JAK1: variants seen among roughly 807,000 people sequenced by gnomAD.
The protein encoded by JAK1 is Janus kinase 1.
In JAK1, 16 loss-of-function variants were observed where a neutral mutation model predicts 136.6. The ratio of observed to expected loss-of-function variants is 0.12; its 90% CI spans 0.08 to 0.18. JAK1 has a LOEUF of 0.18. Ranked by LOEUF, JAK1 falls within the 10% of genes least tolerant of loss-of-function variation. JAK1 has a pLI of 1.00. For synonymous variants in JAK1, 492 were observed against 519.5 expected, an observed-to-expected ratio of 0.95 and a Z score of 0.72; for missense variants, 859 against 1,450.1, an observed-to-expected ratio of 0.59 and a Z score of 6.62.
At chr1:64,950,969 T>G (rs1245977283) in intron 1 of JAK1, among the ~76,000 whole-genome samples, 6 of 152,198 alleles carry the variant, frequency 3.9e-5, no homozygotes. Context: ...GTGACTTCAA[T>G]TTCTTACACC....
intron 1 of JAK1, among the ~76,000 whole-genome samples, chr1:64,953,212 T>C (rs1040525726): frequency 6.6e-6 from 1 of 152,216 alleles, no homozygotes; most frequent in African/African-American, 2.4e-5. Flanking sequence ...GGGGTAGCAG[T>C]GGGTAACTTT....
chr1:64,999,890 A>G (rs1320076947), intron 2 of JAK1, among the ~76,000 whole-genome samples: 1 of 151,930 alleles, frequency 6.6e-6, no homozygotes, highest in Non-Finnish European at 1.5e-5. Flanking sequence ...CCATCTCTAT[A>G]TTCTGGCATG....
intron 1 of JAK1, among the ~76,000 whole-genome samples, chr1:64,952,910 T>C (rs867261777): frequency 3.3e-5 from 5 of 152,332 alleles, no homozygotes; most frequent in Middle Eastern, 6.8e-3. Context: ...CCTATTATCC[T>C]TTTACAGATG....
At chr1:65,057,134 C>A (rs958026366) in intron 1 of JAK1, among the ~76,000 whole-genome samples, 2 of 152,036 alleles carry the variant, frequency 1.3e-5, no homozygotes. Flanking sequence ...GTAATATACC[C>A]GATTAGGCTC....
At position 64,833,885 on chromosome 1, in the gene JAK1, A is replaced by G. The variant is rs540835241; in HGVS notation, c.*677T>C. 1.0e-4 allele frequency: 24 copies of G among 232,598 alleles called. No homozygotes were observed. In the South Asian group the frequency reaches 3.8e-3, roughly 37 times the overall value. The allele number at this position is 232,598 out of a possible 1,614,324, so 14.4% of individuals were successfully genotyped here. On this transcript the variant is annotated 3_prime_UTR_variant, in exon 25 of 25. Coordinates refer to ENST00000342505, the MANE Select transcript of JAK1 (RefSeq NM_002227.4). The stretch of plus-strand genomic sequence containing the variant: ...GTTCTTGAGAATTAACATGCAGCAA[A>G]TTATCTATTCCACAGCTATCCCCCC...
chr1:65,008,743 A>T (rs745902441), intron 2 of JAK1, among the ~76,000 whole-genome samples: 7 of 151,382 alleles, frequency 4.6e-5, no homozygotes, highest in Non-Finnish European at 7.4e-5. Context: ...GCTGGAGTGC[A>T]GTGGCATGAT....
chr1:65,010,729 C>A (rs985194416), intron 2 of JAK1, among the ~76,000 whole-genome samples: 1 of 152,108 alleles, frequency 6.6e-6, no homozygotes, highest in East Asian at 1.9e-4. Flanking sequence ...ACCTGTAATC[C>A]GAACATTCTG....
intron 2 of JAK1, among the ~76,000 whole-genome samples, chr1:65,018,449 A>G (rs2100785775): frequency 1.3e-5 from 2 of 151,548 alleles, no homozygotes; most frequent in East Asian, 3.9e-4. Context: ...CTAATGAGAG[A>G]CACACATACA....
At chr1:65,049,616 T>C (rs888732562) in intron 1 of JAK1, among the ~76,000 whole-genome samples, 1 of 152,070 alleles carries the variant, frequency 6.6e-6, no homozygotes, top group Non-Finnish European at 1.5e-5. Flanking sequence ...TTGGGGCACA[T>C]GTTTGTTGAG....
Position 64,913,707 on chromosome 1 carries a change from G to A in JAK1, c.-77-27366C>T, listed in dbSNP as rs1395356614. 7.3e-3 allele frequency among the ~76,000 whole-genome samples: 548 copies of A among 74,864 alleles called. 16 individuals carry two copies. The highest frequency in any genetic ancestry group is 0.025 in the African/African-American group (428 of 16,954). 49.1% of individuals were successfully genotyped at this position (74,864 alleles called of 152,430 possible). Reference sequence around the variant, plus strand: ...AGGAAGGAAGGAAGGAAGGAAAGAAGGGAGGGAGGGAGGGAGGGAGGGAGG... The same window carrying A: ...AGGAAGGAAGGAAGGAAGGAAAGAAAGGAGGGAGGGAGGGAGGGAGGGAGG... On this transcript the variant is annotated intron_variant, in intron 1 of 24. Transcript: ENST00000342505.
At chr1:65,046,811 A>C (rs1342296972) in intron 1 of JAK1, among the ~76,000 whole-genome samples, 2 of 151,028 alleles carry the variant, frequency 1.3e-5, no homozygotes, top group Admixed American at 1.3e-4. Context: ...CAGTCTCCCA[A>C]AGTGCTGGGA....
chr1:64,977,138 C>CT (rs1553177805), intron 2 of JAK1, among the ~76,000 whole-genome samples: 2 of 148,274 alleles, frequency 1.3e-5, no homozygotes, highest in Non-Finnish European at 3.0e-5. Flanking sequence ...ACAGCTTCAT[C>CT]TTGTTTGTTT....
intron 1 of JAK1, among the ~76,000 whole-genome samples, chr1:65,055,933 A>G (rs1162124597): frequency 2.0e-5 from 3 of 152,194 alleles, no homozygotes; most frequent in East Asian, 1.9e-4. Context: ...ATAAAACCCA[A>G]TGAATTTTTA....
In JAK1 at chr1:64,836,111, G is replaced by C. The variant is rs750143761; in HGVS notation, c.3245C>G (p.Ser1082Cys). ...HELLTYCDSD[S>C]SPMALFLKMI... ...AGTAGGACTTACAGCCATGGGACTA[G>C]AATCTGAATCACAGTAAGTCAGCAG... Residue 1082 changes from serine (S) to cysteine (C), a missense_variant, in exon 23 of 25, where the codon TCT (serine) becomes TGT (cysteine). Transcript: ENST00000342505. 1.3e-6 allele frequency: 2 copies of C among 1,591,970 alleles called. No homozygotes were observed. The highest frequency in any genetic ancestry group is 1.7e-6 in the Non-Finnish European group (2 of 1,159,790).
chr1:64,880,845 G>T (rs1466342595), intron 3 of JAK1, among the ~76,000 whole-genome samples: 1 of 152,108 alleles, frequency 6.6e-6, no homozygotes, highest in Admixed American at 6.6e-5. Context: ...TATTCGGGAG[G>T]CTAAGGCAGG....
Position 64,834,470 on chromosome 1 carries a change from TC to T in JAK1, c.*91del. 1 of 847,390 alleles carries T rather than the reference TC, an allele frequency of 1.2e-6. No individual in the cohort carries two copies. 52.5% of individuals were successfully genotyped at this position (847,390 alleles called of 1,614,324 possible). ...TGACTTTTTGGACAGAACACAAACT[TC>T]TTTCATTAGAAATTTTTAAAAAATG... On this transcript the variant is annotated 3_prime_UTR_variant, in exon 25 of 25. Coordinates refer to ENST00000342505, the MANE Select transcript of JAK1 (RefSeq NM_002227.4).
In JAK1 at chr1:64,860,820, A is replaced by C. The variant is rs1016299130; in HGVS notation, c.1177-558T>G. On this transcript the variant is annotated intron_variant, in intron 8 of 24. Coordinates refer to ENST00000342505, the MANE Select transcript of JAK1 (RefSeq NM_002227.4). ...CCCATCTATTATCTCAAACTATCAG[A>C]TGACTCTGTGTGTGTGTGTGTGTGT... Among the ~76,000 whole-genome samples, 16 of 130,482 alleles carry C rather than the reference A, an allele frequency of 1.2e-4. 1 individual carries two copies. Among genetic ancestry groups the C allele is most frequent in the African/African-American group, 4.9e-4 (16 of 32,656 alleles). 85.6% of individuals were successfully genotyped at this position (130,482 alleles called of 152,430 possible). A position where few individuals can be genotyped will look rare whatever the true frequency, so the allele number is the denominator to read the frequency against.
chr1:65,062,894 A>G (rs886334292), intron 1 of JAK1, among the ~76,000 whole-genome samples: 2 of 152,228 alleles, frequency 1.3e-5, no homozygotes, highest in African/African-American at 2.4e-5. Context: ...GTTATCAACA[A>G]GAGTATGTTT....
chr1:64,838,936 G>C (rs912202071), intron 20 of JAK1, among the ~76,000 whole-genome samples: 6 of 151,910 alleles, frequency 3.9e-5, no homozygotes, highest in East Asian at 3.9e-4. Context: ...ACGAGGTCAG[G>C]AGATCGAGAC....
Sources: gnomAD v4.1 joint callset for allele counts (sites outside exome capture counted in the v4.1 genomes callset) on GRCh38, gnomAD v4.1.1 for gene constraint, MANE v1.5 for transcripts, NCBI Gene and HGNC (gene_info 2026-07-23, HGNC 2026-07-21) for gene names.